NRF1: variants seen among roughly 807,000 people sequenced by gnomAD.
The protein encoded by NRF1 is alpha palindromic-binding protein.
A neutral mutation model predicts 58.5 loss-of-function variants in NRF1; 5 were observed. The observed-to-expected ratio is 0.09, with a 90% CI of 0.04 to 0.18. The LOEUF is 0.18. Ranked by LOEUF, NRF1 falls within the 10% of genes least tolerant of loss-of-function variation. The pLI, the probability that NRF1 is intolerant of heterozygous loss-of-function variation, is 1.00. For synonymous variants in NRF1, 224 were observed against 246.7 expected (o/e 0.91, Z 0.86); for missense variants, 288 against 657.7 (o/e 0.44, Z 6.15).
chr7:129,636,487 A>G (rs112293274), intron 1 of NRF1, among the ~76,000 whole-genome samples: 1 of 152,182 alleles, frequency 6.6e-6, no homozygotes. Flanking sequence ...ACCTCAGGTG[A>G]TCTGCCTACC....
chr7:129,691,361 A>ATTTTTTT (rs752895743), intron 5 of NRF1, among the ~76,000 whole-genome samples: 8 of 90,882 alleles, frequency 8.8e-5, no homozygotes, highest in African/African-American at 1.2e-4. Flanking sequence ...TATTATTATT[A>ATTTTTTT]TTATTTTTTT....
intron 5 of NRF1, among the ~76,000 whole-genome samples, chr7:129,695,171 T>G (rs2151095194): frequency 6.6e-6 from 1 of 152,202 alleles, no homozygotes; most frequent in African/African-American, 2.4e-5. Context: ...TTTGGGAGAT[T>G]TAAAAAAAAT....
At chr7:129,669,467 G>C (rs1801997467) in intron 2 of NRF1, among the ~76,000 whole-genome samples, 1 of 152,112 alleles carries the variant, frequency 6.6e-6, no homozygotes, top group African/African-American at 2.4e-5. Context: ...GTTGATGAAT[G>C]GATAGAACGA....
At chr7:129,636,335 A>G (rs1801168295) in intron 1 of NRF1, among the ~76,000 whole-genome samples, 2 of 152,020 alleles carry the variant, frequency 1.3e-5, no homozygotes, top group African/African-American at 4.8e-5. Flanking sequence ...CCTGGGTTCA[A>G]GCGATTCTTG....
At chr7:129,743,095 C>T (rs1476223115) in intron 10 of NRF1, among the ~76,000 whole-genome samples, 2 of 151,856 alleles carry the variant, frequency 1.3e-5, no homozygotes, top group Non-Finnish European at 2.9e-5. Flanking sequence ...AGCCATGTTA[C>T]CTAGACTGTG....
At position 129,727,430 on chromosome 7, in the gene NRF1, C is replaced by G; in HGVS notation, c.1348+65C>G. ...TTCCACTTAAACCTTCCTGACATGA[C>G]TGGCAACAAAGCCTTCAGAAAGAGT... On this transcript the variant is annotated intron_variant, in intron 10 of 10. Transcript: ENST00000393232. 4.0e-6 allele frequency: 6 copies of G among 1,504,694 alleles called. No homozygotes were observed. The South Asian group carries it at 8.0e-5, about 20-fold the overall frequency. 93.2% of individuals were successfully genotyped at this position (1,504,694 alleles called of 1,614,324 possible). A position where few individuals can be genotyped will look rare whatever the true frequency, so the allele number is the denominator to read the frequency against.
At chr7:129,619,396 G>GTGTGTA (rs1491323365) in intron 1 of NRF1, among the ~76,000 whole-genome samples, 9 of 47,366 alleles carry the variant, frequency 1.9e-4, no homozygotes, top group African/African-American at 9.6e-4. Context: ...TGGCATACGT[G>GTGTGTA]TATATATATA....
In NRF1 at chr7:129,657,341, A is replaced by G. The variant is rs749529540; in HGVS notation, c.-6-5A>G. The stretch of plus-strand genomic sequence containing the variant: ...CTGTTCTTTTTCTTTTTTGTCTGAC[A>G]GTAGAACTTCATGGAGGAACACGGA... On this transcript the variant is annotated splice_region_variant and splice_polypyrimidine_tract_variant and intron_variant, in intron 1 of 10. Coordinates refer to ENST00000393232, the MANE Select transcript of NRF1 (RefSeq NM_005011.5). 1.2e-6 allele frequency: 2 copies of G among 1,601,548 alleles called. No individual in the cohort carries two copies. The highest frequency in any genetic ancestry group is 1.7e-6 in the Non-Finnish European group (2 of 1,168,644).
chr7:129,619,447 C>CATAT (rs1394967535), intron 1 of NRF1, among the ~76,000 whole-genome samples: 2 of 80,418 alleles, frequency 2.5e-5, no homozygotes, highest in Admixed American at 1.4e-4. Context: ...CACACACACA[C>CATAT]ATATATATAC....
chr7:129,613,505 G>A (rs1323975283), intron 1 of NRF1, among the ~76,000 whole-genome samples: 7 of 151,898 alleles, frequency 4.6e-5, no homozygotes. Context: ...CTAAATTGTG[G>A]GCAGAATTTT....
chr7:129,715,916 A>C (rs1803176227), intron 8 of NRF1, among the ~76,000 whole-genome samples: 1 of 151,936 alleles, frequency 6.6e-6, no homozygotes, highest in Non-Finnish European at 1.5e-5. Flanking sequence ...GAGGCAGGAG[A>C]ATCGCTTGAA....
chr7:129,616,071 A>T (rs1039551699), intron 1 of NRF1, among the ~76,000 whole-genome samples: 7 of 152,136 alleles, frequency 4.6e-5, no homozygotes, highest in African/African-American at 1.4e-4. Context: ...ACATATATAT[A>T]TTTTTTATTT....
At chr7:129,733,115 A>G (rs760231461) in intron 10 of NRF1, among the ~76,000 whole-genome samples, 2 of 151,742 alleles carry the variant, frequency 1.3e-5, no homozygotes, top group Non-Finnish European at 2.9e-5. Context: ...ACTTTTATTC[A>G]AAATTCCAAA....
In NRF1 at chr7:129,756,562, T is replaced by C. The variant is rs1224060186; in HGVS notation, c.*1381T>C. 1 of 152,636 alleles carries C rather than the reference T, an allele frequency of 6.6e-6. No homozygotes were observed. The highest frequency in any genetic ancestry group is 1.5e-5 in the Non-Finnish European group (1 of 68,062). 9.5% of individuals were successfully genotyped at this position (152,636 alleles called of 1,614,324 possible). A position where few individuals can be genotyped will look rare whatever the true frequency, so the allele number is the denominator to read the frequency against. ...GTCTTTCTCAGCTGCAAGCCCTGAG[T>C]CTCCAGTAGCTGAATTCACCTGACT... On this transcript the variant is annotated 3_prime_UTR_variant, in exon 11 of 11. Transcript: ENST00000393232.
intron 10 of NRF1, among the ~76,000 whole-genome samples, chr7:129,738,033 G>A (rs1406281321): frequency 6.6e-6 from 1 of 152,318 alleles, no homozygotes; most frequent in East Asian, 1.9e-4. Flanking sequence ...CCTCCTGTAA[G>A]GTAAATGGTC....
At chr7:129,689,584 T>G (rs766651170) in intron 4 of NRF1, among the ~76,000 whole-genome samples, 25 of 152,214 alleles carry the variant, frequency 1.6e-4, no homozygotes, top group Non-Finnish European at 2.9e-4. Flanking sequence ...ATATTGGTGG[T>G]TGGAAGACCC....
In NRF1 at chr7:129,642,756, A is replaced by ACTTTTTTT. The variant is rs1562957544; in HGVS notation, c.-6-14590_-6-14589insCTTTTTTT. ...TTCTAAAAGAATACATTCTTTAAAA[A>ACTTTTTTT]ATTTTTTTTTTTTTTTTTTTAAATG... On this transcript the variant is annotated intron_variant, in intron 1 of 10. Coordinates refer to ENST00000393232, the MANE Select transcript of NRF1 (RefSeq NM_005011.5). Among the ~76,000 whole-genome samples, 121 of 131,622 alleles carry ACTTTTTTT rather than the reference A, an allele frequency of 9.2e-4. 6 individuals carry two copies. The East Asian group carries it at 0.013, about 14-fold the overall frequency. The allele number at this position is 131,622 out of a possible 152,430, so 86.3% of individuals were successfully genotyped here.
intron 1 of NRF1, among the ~76,000 whole-genome samples, chr7:129,638,658 A>G (rs1411899126): frequency 1.3e-5 from 2 of 152,240 alleles, no homozygotes; most frequent in Non-Finnish European, 2.9e-5. Context: ...GTAAATGGCA[A>G]CATTGGTAGT....
intron 8 of NRF1, among the ~76,000 whole-genome samples, chr7:129,716,353 G>T (rs1803188999): frequency 6.6e-6 from 1 of 152,020 alleles, no homozygotes; most frequent in Admixed American, 6.5e-5. Flanking sequence ...TGGACAAAGG[G>T]TCTAGAGTAC....
Sources: gnomAD v4.1 joint callset for allele counts (sites outside exome capture counted in the v4.1 genomes callset) on GRCh38, gnomAD v4.1.1 for gene constraint, MANE v1.5 for transcripts, NCBI Gene and HGNC (gene_info 2026-07-23, HGNC 2026-07-21) for gene names.